Variants in USP8 observed in about 807,000 individuals in gnomAD.
USP8 encodes the protein ubiquitin specific peptidase 8.
In USP8, 27 loss-of-function variants were observed where a neutral mutation model predicts 130.0. The ratio of observed to expected loss-of-function variants is 0.21; its 90% confidence interval spans 0.15 to 0.29. The LOEUF (loss-of-function observed/expected upper bound fraction) is 0.29. Among genes scored for constraint, USP8 ranks in the 10% least tolerant of loss-of-function variants. USP8 has a pLI of 1.00. For synonymous variants in USP8, 392 were observed against 444.1 expected (o/e 0.88, Z 1.48); for missense variants, 1,029 against 1,312.2 (o/e 0.78, Z 3.33).
chr15:50,442,466 G>A (rs749179703), intron 3 of USP8, among the ~76,000 whole-genome samples: 4 of 151,650 alleles, frequency 2.6e-5, no homozygotes, highest in Non-Finnish European at 5.9e-5. Flanking sequence ...AAGAATGCTG[G>A]GCACGGTGGT....
Position 50,503,973 on chromosome 15 carries a change from A to G in USP8, c.*4885A>G, listed in dbSNP as rs1393174711. The G allele has an allele frequency of 6.6e-6, 1 of 152,208 alleles. No homozygotes were observed. Among genetic ancestry groups the G allele is most frequent in the African/African-American group, 2.4e-5 (1 of 41,454 alleles). The allele number at this position is 152,208 out of a possible 1,614,324, so 9.4% of individuals were successfully genotyped here. A position where few individuals can be genotyped will look rare whatever the true frequency, so the allele number is the denominator to read the frequency against. Reference sequence around the variant, plus strand: ...TATTTAAATATATTTAGAAGAAGGAAACAAACTTTAGAAACTAAATAGAAT... The same window carrying G: ...TATTTAAATATATTTAGAAGAAGGAGACAAACTTTAGAAACTAAATAGAAT... On this transcript the variant is annotated 3_prime_UTR_variant, in exon 20 of 20. Transcript: ENST00000307179.
At chr15:50,429,938 G>A (rs769491659) in intron 1 of USP8, among the ~76,000 whole-genome samples, 2 of 152,304 alleles carry the variant, frequency 1.3e-5, no homozygotes, top group South Asian at 2.1e-4. Flanking sequence ...AATGTAGATA[G>A]ACATCTATTC....
intron 7 of USP8, chr15:50,466,883 CA>C: frequency 2.5e-6 from 1 of 401,468 alleles, no homozygotes; most frequent in South Asian, 2.2e-5. Context: ...AAAAGAATCT[CA>C]AAGTGAAAGG....
At chr15:50,490,215 G>C (rs2141316955) in intron 13 of USP8, 48 bp from the exon 14 acceptor site, 3 of 1,537,954 alleles carry the variant, frequency 2.0e-6, no homozygotes, top group Non-Finnish European at 2.6e-6. Context: ...TTTATATAAT[G>C]CTTATTTTTG....
Position 50,501,182 on chromosome 15 carries a change from G to A in USP8, c.*2094G>A, listed in dbSNP as rs150459071. 454 of 226,964 alleles carry A rather than the reference G, an allele frequency of 2.0e-3. No individual in the cohort carries two copies. Among genetic ancestry groups the A allele is most frequent in the Non-Finnish European group, 3.5e-3 (387 of 110,912 alleles). The allele number at this position is 226,964 out of a possible 1,614,324, so 14.1% of individuals were successfully genotyped here. On this transcript the variant is annotated 3_prime_UTR_variant, in exon 20 of 20. Transcript: ENST00000307179. ...TTACAATAAGAAGATAATTCAGGCC[G>A]GGCACAGTGGCTCACACCTGTAATC...
chr15:50,499,204 G>T lies in USP8; in HGVS notation c.*116G>T. On this transcript the variant is annotated 3_prime_UTR_variant, in exon 20 of 20. Transcript: ENST00000307179. Reference sequence around the variant, plus strand: ...CCATTTAGAGGAATTCTAGGACAGTGGGAGCTGTGTTACTAGCACTATATA... The same window carrying T: ...CCATTTAGAGGAATTCTAGGACAGTTGGAGCTGTGTTACTAGCACTATATA... 9.8e-7 allele frequency: 1 copy of T among 1,019,810 alleles called. No individual in the cohort carries two copies. The highest frequency in any genetic ancestry group is 3.0e-5 in the Admixed American group (1 of 33,692). 63.2% of individuals were successfully genotyped at this position (1,019,810 alleles called of 1,614,324 possible).
Position 50,494,052 on chromosome 15 carries a change from C to T in USP8, c.2448-18C>T. On this transcript the variant is annotated intron_variant, in intron 15 of 19. Coordinates refer to ENST00000307179, the MANE Select transcript of USP8 (RefSeq NM_005154.5). ...AAATTTCCTTTATTGTCTTTTGTAA[C>T]AACTTTTATTTGCACAGGTCAAATT... The T allele has an allele frequency of 6.3e-7, 1 of 1,593,726 alleles. No individual in the cohort carries two copies. The highest frequency in any genetic ancestry group is 2.2e-5 in the East Asian group (1 of 44,746).
intron 4 of USP8, among the ~76,000 whole-genome samples, chr15:50,449,890 CTTTTTTTTTTTT>C (rs1198558839): frequency 1.3e-5 from 1 of 78,918 alleles, no homozygotes; most frequent in Non-Finnish European, 2.4e-5. Flanking sequence ...CCCAATATTT[CTTTTTTTTTTTT>C]TTTTTTTTTC....
chr15:50,504,824 CAAA>C lies in USP8; in HGVS notation c.*5742_*5744del, dbSNP rs60405800. On this transcript the variant is annotated 3_prime_UTR_variant, in exon 20 of 20. Transcript: ENST00000307179. The stretch of plus-strand genomic sequence containing the variant: ...GAAACCCTGTCTCTATTAAAAAAAA[CAAA>C]AAAAATTAGCTGGGCCTGGTGGCGT... 6.6e-6 allele frequency: 1 copy of C among 150,732 alleles called. No individual in the cohort carries two copies. The highest frequency in any genetic ancestry group is 1.5e-5 in the Non-Finnish European group (1 of 67,756). The allele number at this position is 150,732 out of a possible 1,614,324, so 9.3% of individuals were successfully genotyped here. A position where few individuals can be genotyped will look rare whatever the true frequency, so the allele number is the denominator to read the frequency against.
chr15:50,486,842 C>T (rs1023099039), intron 12 of USP8, among the ~76,000 whole-genome samples: 1 of 152,052 alleles, frequency 6.6e-6, no homozygotes, highest in Non-Finnish European at 1.5e-5. Flanking sequence ...CACTAAAGAA[C>T]TTACTAATGG....
In USP8 at chr15:50,481,989, C is replaced by T; in HGVS notation, c.1727C>T (p.Pro576Leu). ...GTAGAAGATAGGGGGAAAAGGTGTC[C>T]AACCCCAGAAATACAGAAAAAGTCA... ...KSVEDRGKRCPTPEIQKKSTG... is the reference protein window; with the variant it reads ...KSVEDRGKRCLTPEIQKKSTG... Residue 576 changes from proline to leucine, a missense_variant, in exon 11 of 20, where the codon CCA becomes CTA. Around this residue, in one of 4 missense-constraint regions of USP8, gnomAD observed 486 missense variants for 522.0 expected, o/e 0.93. Coordinates refer to ENST00000307179, the MANE Select transcript of USP8 (RefSeq NM_005154.5). The T allele has an allele frequency of 1.3e-6, 2 of 1,588,772 alleles. No homozygotes were observed. The highest frequency in any genetic ancestry group is 1.7e-6 in the Non-Finnish European group (2 of 1,172,906).
At position 50,499,219 on chromosome 15, in the gene USP8, A is replaced by G. The variant is rs139134291; in HGVS notation, c.*131A>G. ...CTAGGACAGTGGGAGCTGTGTTACT[A>G]GCACTATATAATTCCGGTCAGTGCT... On this transcript the variant is annotated 3_prime_UTR_variant, in exon 20 of 20. Coordinates refer to ENST00000307179, the MANE Select transcript of USP8 (RefSeq NM_005154.5). 1.8e-3 allele frequency: 1,481 copies of G among 814,692 alleles called. 19 individuals are homozygous for G. The African/African-American group carries it at 0.023, about 13-fold the overall frequency. The allele number at this position is 814,692 out of a possible 1,614,324, so 50.5% of individuals were successfully genotyped here. A position where few individuals can be genotyped will look rare whatever the true frequency, so the allele number is the denominator to read the frequency against.
Position 50,465,200 on chromosome 15 carries a change from T to C in USP8, c.686+9T>C, listed in dbSNP as rs2051148546. On this transcript the variant is annotated intron_variant, in intron 7 of 19. Transcript: ENST00000307179. The stretch of plus-strand genomic sequence containing the variant: ...GAAGCCATCAGTCCAGGGTGGGTTA[T>C]TGTGTAGTAAAGTAGTAAACTGTGT... The C allele has an allele frequency of 1.2e-6, 2 of 1,612,316 alleles. No homozygotes were observed. Among genetic ancestry groups the C allele is most frequent in the East Asian group, 2.2e-5 (1 of 44,856 alleles).
At chr15:50,428,720 A>G (rs1039640516) in intron 1 of USP8, among the ~76,000 whole-genome samples, 1 of 152,188 alleles carries the variant, frequency 6.6e-6, no homozygotes, top group African/African-American at 2.4e-5. Context: ...TTTTTCCTTC[A>G]TAATTTTGCA....
At chr15:50,450,558 G>T (rs1595920597) in intron 4 of USP8, among the ~76,000 whole-genome samples, 2 of 128,756 alleles carry the variant, frequency 1.6e-5, no homozygotes, top group Admixed American at 2.1e-4. Flanking sequence ...TGCAACATTT[G>T]CCTCTCAGGT....
At chr15:50,490,000 C>T (rs2052100229) in intron 13 of USP8, 119 bp downstream of exon 13, 2 of 924,256 alleles carry the variant, frequency 2.2e-6, no homozygotes, top group South Asian at 3.9e-5. Flanking sequence ...GAGAACATAG[C>T]TTATTCCCCT....
At chr15:50,494,312 A>G in intron 16 of USP8, 32 bp downstream of exon 16, 1 of 1,570,220 alleles carries the variant, frequency 6.4e-7, no homozygotes, top group Non-Finnish European at 8.6e-7. Flanking sequence ...AGTTGCAGAG[A>G]CTCTTTAGGG....
chr15:50,497,893 A>G (rs2052478341), intron 18 of USP8, among the ~76,000 whole-genome samples: 1 of 152,200 alleles, frequency 6.6e-6, no homozygotes, highest in Non-Finnish European at 1.5e-5. Context: ...TCTGTTAAAA[A>G]TGTTTTATCT....
intron 12 of USP8, among the ~76,000 whole-genome samples, chr15:50,486,355 C>T (rs1034546003): frequency 2.6e-5 from 4 of 151,946 alleles, no homozygotes; most frequent in East Asian, 1.9e-4. Flanking sequence ...GGTTTGGTGG[C>T]GCCTGCCTGT....
Sources: allele counts gnomAD v4.1 joint callset (sites outside exome capture counted in the v4.1 genomes callset), GRCh38; gene constraint gnomAD v4.1.1; regional missense constraint gnomAD v4.1.1; transcripts MANE v1.5; gene names NCBI Gene and HGNC (gene_info 2026-07-23, HGNC 2026-07-21).